TNIP1: variants seen among roughly 807,000 people sequenced by gnomAD.
TNIP1 encodes the protein TNFAIP3 interacting protein 1.
A neutral mutation model predicts 86.6 loss-of-function variants in TNIP1; 22 were observed. That is an observed-to-expected ratio of 0.25 (90% confidence interval 0.18 to 0.36). TNIP1 has a LOEUF of 0.36. Among genes scored for constraint, TNIP1 ranks in the 10% least tolerant of loss-of-function variants. The probability of loss-of-function intolerance (pLI) is 1.00; values close to 1 mark genes in which losing one functional copy is unlikely to be tolerated. For missense variants in TNIP1, 709 were observed against 820.6 expected (o/e 0.86, Z 1.66); for synonymous variants, 294 against 313.0 (o/e 0.94, Z 0.64).
At chr5:151,042,006 T>C (rs1207593947) in intron 11 of TNIP1, among the ~76,000 whole-genome samples, 1 of 150,258 alleles carries the variant, frequency 6.7e-6, no homozygotes, top group Non-Finnish European at 1.5e-5. Flanking sequence ...GATGGTGCAA[T>C]CTTGACTCAC....
chr5:151,055,325 A>G (rs1308838541), intron 6 of TNIP1, among the ~76,000 whole-genome samples: 1 of 152,228 alleles, frequency 6.6e-6, no homozygotes, highest in Non-Finnish European at 1.5e-5. Context: ...CTGAAATAAA[A>G]AATAACAGAG....
intron 6 of TNIP1, among the ~76,000 whole-genome samples, chr5:151,053,951 C>G (rs921310129): frequency 6.6e-6 from 1 of 152,220 alleles, no homozygotes; most frequent in African/African-American, 2.4e-5. Context: ...AGCCTTTGAG[C>G]TGGGCCAGGA....
chr5:151,064,037 C>T (rs1165558163), intron 2 of TNIP1, among the ~76,000 whole-genome samples: 1 of 152,208 alleles, frequency 6.6e-6, no homozygotes, highest in Non-Finnish European at 1.5e-5. Context: ...TTCTGCCCCA[C>T]TCCCTTCACA....
rs770021936 is a variant in TNIP1, at chr5:151,056,823, C to T, written c.570G>A (p.Glu190=). The change falls in exon 6 of 18, where the codon GAG becomes GAA. Residue 190 remains glutamate (E), a synonymous_variant. Transcript: ENST00000521591. ...LFTHLGRMAL[E]FNRLASKVHK... is the part of the protein sequence containing the mutation. The stretch of plus-strand genomic sequence containing the variant: ...GCACCTTGGATGCCAGTCGGTTGAA[C>T]TCCAGGGCCATGCGGCCCAGGTGGG... 2 of 1,594,806 alleles carry T rather than the reference C, an allele frequency of 1.3e-6. No homozygotes were observed. The highest frequency in any genetic ancestry group is 8.5e-7 in the Non-Finnish European group (1 of 1,170,814).
At chr5:151,042,224 C>T (rs989053601) in intron 11 of TNIP1, among the ~76,000 whole-genome samples, 4 of 152,058 alleles carry the variant, frequency 2.6e-5, no homozygotes, top group Non-Finnish European at 5.9e-5. Flanking sequence ...TGTGAGCCAT[C>T]GTGCCCGGCC....
At chr5:151,036,601 G>A (rs1299465570) in intron 13 of TNIP1, among the ~76,000 whole-genome samples, 189 bp downstream of exon 13, 1 of 152,234 alleles carries the variant, frequency 6.6e-6, no homozygotes, top group African/African-American at 2.4e-5. Flanking sequence ...AAAGGTGGTA[G>A]AGGAACGACT....
chr5:151,038,078 T>G (rs1165516257), intron 12 of TNIP1, among the ~76,000 whole-genome samples: 1 of 152,212 alleles, frequency 6.6e-6, no homozygotes, highest in African/African-American at 2.4e-5. Flanking sequence ...TGGACAATTC[T>G]CTGCCTGGAT....
Position 151,030,341 on chromosome 5 carries a change from C to A in TNIP1, c.*372G>T, listed in dbSNP as rs552614250. The A allele has an allele frequency of 1.2e-4, 51 of 421,316 alleles. 1 individual carries two copies. Among genetic ancestry groups the A allele is most frequent in the South Asian group, 1.0e-3 (51 of 49,104 alleles). The allele number at this position is 421,316 out of a possible 1,614,324, so 26.1% of individuals were successfully genotyped here. Reference sequence around the variant, plus strand: ...CAAATTGGTCATGGCAACTAGAGGGCCTGAAACCACTTCCGGGAGGTTTTG... The same window carrying A: ...CAAATTGGTCATGGCAACTAGAGGGACTGAAACCACTTCCGGGAGGTTTTG... On this transcript the variant is annotated 3_prime_UTR_variant, in exon 18 of 18. Coordinates refer to ENST00000521591, the MANE Select transcript of TNIP1 (RefSeq NM_006058.5).
intron 15 of TNIP1, chr5:151,034,578 G>A (rs1259610969): frequency 3.3e-6 from 1 of 305,640 alleles, no homozygotes; most frequent in Non-Finnish European, 6.2e-6. Context: ...GGAAGGCTGA[G>A]CACATGGGCA....
Position 151,030,356 on chromosome 5 carries a change from G to C in TNIP1, c.*357C>G. The C allele has an allele frequency of 2.3e-6, 1 of 438,142 alleles. No homozygotes were observed. Among genetic ancestry groups the C allele is most frequent in the Non-Finnish European group, 4.3e-6 (1 of 232,514 alleles). 27.1% of individuals were successfully genotyped at this position (438,142 alleles called of 1,614,324 possible). A position where few individuals can be genotyped will look rare whatever the true frequency, so the allele number is the denominator to read the frequency against. On this transcript the variant is annotated 3_prime_UTR_variant, in exon 18 of 18. Coordinates refer to ENST00000521591, the MANE Select transcript of TNIP1 (RefSeq NM_006058.5). ...AACTAGAGGGCCTGAAACCACTTCC[G>C]GGAGGTTTTGAAGGAAGGGGGTCTT... is the stretch of plus-strand genomic sequence containing the variant.
upstream of TNIP1, among the ~76,000 whole-genome samples, chr5:151,082,812 A>G (rs1261550234): frequency 6.6e-6 from 1 of 152,218 alleles, no homozygotes; most frequent in African/African-American, 2.4e-5. Flanking sequence ...AATTTGTGAG[A>G]AAACTCATTT....
chr5:151,044,335 C>A (rs1279488796), intron 9 of TNIP1, among the ~76,000 whole-genome samples: 1 of 152,084 alleles, frequency 6.6e-6, no homozygotes, highest in African/African-American at 2.4e-5. Context: ...AGCCACCACG[C>A]CTGACCCAGT....
intron 6 of TNIP1, among the ~76,000 whole-genome samples, chr5:151,054,700 A>G (rs1195107083): frequency 6.6e-6 from 1 of 152,182 alleles, no homozygotes; most frequent in Admixed American, 6.5e-5. Flanking sequence ...TAAAAAAAAG[A>G]AATCAAAAAA....
At chr5:151,043,828 A>G (rs1036556136) in intron 9 of TNIP1, among the ~76,000 whole-genome samples, 6 of 151,940 alleles carry the variant, frequency 3.9e-5, no homozygotes, top group African/African-American at 1.4e-4. Flanking sequence ...CACCTAACAC[A>G]CTTCCTCAGT....
intron 1 of TNIP1, among the ~76,000 whole-genome samples, chr5:151,078,022 C>A (rs1763583992): frequency 6.6e-6 from 1 of 152,122 alleles, no homozygotes; most frequent in South Asian, 2.1e-4. Flanking sequence ...TCCAGAAGAC[C>A]CCTCCAACCA....
In TNIP1 at chr5:151,045,917, C is replaced by T. The variant is rs771555869; in HGVS notation, c.880G>A (p.Val294Met). Residue 294 changes from valine to methionine, a missense_variant, in exon 9 of 18, where the codon GTG (valine) becomes ATG (methionine). Transcript: ENST00000521591. ...SVTAGKVPEVVALGAAEKKVK... is the reference protein window; with the variant it reads ...SVTAGKVPEVMALGAAEKKVK... ...TTCTTCTCGGCTGCGCCCAAGGCCA[C>T]CACCTCTGGGACCTTACCTGCCGTC... 2.5e-6 allele frequency: 4 copies of T among 1,614,168 alleles called. No homozygotes were observed. In the South Asian group the frequency reaches 3.3e-5, roughly 13 times the overall value.
intron 9 of TNIP1, among the ~76,000 whole-genome samples, chr5:151,045,455 G>A (rs755154442): frequency 8.5e-5 from 13 of 152,274 alleles, no homozygotes; most frequent in African/African-American, 2.6e-4. Context: ...AGTGGGAAGC[G>A]GCCTTAATCC....
At chr5:151,045,838 C>T in intron 9 of TNIP1, 23 bp downstream of exon 9, 3 of 1,612,734 alleles carry the variant, frequency 1.9e-6, no homozygotes, top group Middle Eastern at 1.8e-4. Context: ...GATCCTCCCA[C>T]TACTGCCACC....
intron 7 of TNIP1, among the ~76,000 whole-genome samples, chr5:151,051,916 A>T (rs1759976909): frequency 6.6e-6 from 1 of 152,136 alleles, no homozygotes; most frequent in Admixed American, 6.5e-5. Flanking sequence ...AGGAGGAAGG[A>T]AGTACAATCT....
Sources: gnomAD v4.1 joint callset for allele counts (sites outside exome capture counted in the v4.1 genomes callset) on GRCh38, gnomAD v4.1.1 for gene constraint, MANE v1.5 for transcripts, NCBI Gene and HGNC (gene_info 2026-07-23, HGNC 2026-07-21) for gene names.